TNRC6A: variants seen among roughly 807,000 people sequenced by gnomAD.
TNRC6A encodes the protein trinucleotide repeat-containing gene 6A protein.
In TNRC6A, 44 loss-of-function variants were observed where a neutral mutation model predicts 221.2. The ratio of observed to expected loss-of-function variants is 0.20; its 90% CI spans 0.16 to 0.26. The LOEUF (loss-of-function observed/expected upper bound fraction) is 0.26, where lower values mean the gene tolerates loss of function less well. Among genes scored for constraint, TNRC6A ranks in the 10% least tolerant of loss-of-function variants. TNRC6A has a pLI of 1.00. For synonymous variants in TNRC6A, 847 were observed against 838.5 expected (o/e 1.01, Z -0.18); for missense variants, 2,199 against 2,404.4 (o/e 0.91, Z 1.79).
At chr16:24,652,830 G>A (rs964283043) in intron 2 of TNRC6A, among the ~76,000 whole-genome samples, 1 of 152,042 alleles carries the variant, frequency 6.6e-6, no homozygotes, top group Non-Finnish European at 1.5e-5. Flanking sequence ...TTTACCCCAG[G>A]GAAAACAGGA....
chr16:24,748,720 C>T lies in TNRC6A; in HGVS notation c.54-2006C>T, dbSNP rs548384256. ...AATTTTGTTTAATCTCATTGCAGCG[C>T]ACCTATAGCAACAACCCCTTCCAGT... On this transcript the variant is annotated intron_variant, in intron 2 of 24. Coordinates refer to ENST00000395799, the MANE Select transcript of TNRC6A (RefSeq NM_014494.4). 7.2e-5 allele frequency among the ~76,000 whole-genome samples: 11 copies of T among 152,182 alleles called. No homozygotes were observed. In the South Asian group the frequency reaches 2.3e-3, roughly 32 times the overall value.
chr16:24,818,208 A>G (rs2058692757), intron 20 of TNRC6A, among the ~76,000 whole-genome samples: 1 of 152,206 alleles, frequency 6.6e-6, no homozygotes, highest in South Asian at 2.1e-4. Flanking sequence ...CTTAGAGAGC[A>G]GGATAGCCAG....
At chr16:24,764,468 A>G (rs2057429673) in intron 4 of TNRC6A, among the ~76,000 whole-genome samples, 2 of 151,860 alleles carry the variant, frequency 1.3e-5, no homozygotes, top group Non-Finnish European at 2.9e-5. Flanking sequence ...CTGGGATTAC[A>G]GGCGCGTACC....
At chr16:24,745,796 C>A (rs1314841516) in intron 2 of TNRC6A, among the ~76,000 whole-genome samples, 2 of 7,942 alleles carry the variant, frequency 2.5e-4, no homozygotes, top group African/African-American at 5.5e-4. Context: ...TATGTACCAT[C>A]CCCCCCCCCC....
At chr16:24,797,851 C>T (rs1053231331) in intron 10 of TNRC6A, 64 bp from the exon 11 acceptor site, 4 of 1,433,786 alleles carry the variant, frequency 2.8e-6, no homozygotes, top group African/African-American at 2.9e-5. Flanking sequence ...TAAAATTCTT[C>T]ATTTTTTATT....
At chr16:24,731,818 T>C (rs2151176425) in intron 2 of TNRC6A, among the ~76,000 whole-genome samples, 1 of 152,370 alleles carries the variant, frequency 6.6e-6, no homozygotes, top group Middle Eastern at 3.4e-3. Flanking sequence ...ATTCCAGCTC[T>C]GCTACTTGCA....
chr16:24,794,742 C>T (rs369783943), intron 8 of TNRC6A, 23 bp downstream of exon 8: 22 of 1,573,172 alleles, frequency 1.4e-5, no homozygotes, highest in Non-Finnish European at 1.8e-5. Context: ...AGGGCAAAGC[C>T]CTTGAAACTT....
intron 2 of TNRC6A, among the ~76,000 whole-genome samples, chr16:24,750,232 A>G (rs1161440732): frequency 3.3e-5 from 5 of 152,234 alleles, no homozygotes; most frequent in Non-Finnish European, 5.9e-5. Flanking sequence ...GCTGAAATAC[A>G]AATCACCTAT....
At chr16:24,711,880 C>T (rs2056212749) in intron 2 of TNRC6A, among the ~76,000 whole-genome samples, 1 of 152,076 alleles carries the variant, frequency 6.6e-6, no homozygotes, top group Non-Finnish European at 1.5e-5. Context: ...GGGCTAGTCT[C>T]AAACTCCTGG....
In TNRC6A at chr16:24,794,669, C is replaced by T. The variant is rs764878439; in HGVS notation, c.3478C>T (p.Leu1160Phe). ...GTGGAATAGTAATTCATCTCAAGAG[C>T]TTAACTCATCTTTAAATTGGCCACC... ...GMWNSNSSQE[L>F]NSSLNWPPYT... is the part of the protein sequence containing the mutation. The change falls in exon 8 of 25, where the codon CTT becomes TTT. Residue 1160 changes from leucine (L) to phenylalanine (F), a missense_variant. By Grantham distance (22) the Leu-to-Phe change is conservative (BLOSUM62 0). Coordinates refer to ENST00000395799, the MANE Select transcript of TNRC6A (RefSeq NM_014494.4). 1.9e-6 allele frequency: 3 copies of T among 1,613,624 alleles called. No individual in the cohort carries two copies. The South Asian group carries it at 3.3e-5, about 18-fold the overall frequency.
intron 1 of TNRC6A, among the ~76,000 whole-genome samples, chr16:24,621,547 G>A (rs1596544949): frequency 1.3e-5 from 2 of 151,724 alleles, no homozygotes; most frequent in East Asian, 1.9e-4. Context: ...TAGTAAAGGC[G>A]GGGTTTCATC....
At chr16:24,811,810 A>G (rs976971846) in intron 18 of TNRC6A, among the ~76,000 whole-genome samples, 1 of 151,798 alleles carries the variant, frequency 6.6e-6, no homozygotes, top group Non-Finnish European at 1.5e-5. Flanking sequence ...TAGTAAAATG[A>G]TATTTTTGTG....
Position 24,790,911 on chromosome 16 carries a change from G to T in TNRC6A, c.2269G>T (p.Ala757Ser), listed in dbSNP as rs567281382. 16 of 1,614,062 alleles carry T rather than the reference G, an allele frequency of 9.9e-6. No individual in the cohort carries two copies. In the South Asian group the frequency reaches 1.8e-4, roughly 18 times the overall value. ...DNGTEAWGSS[A>S]TQTFNSGACI... is the part of the protein sequence containing the mutation. Reference sequence around the variant, plus strand: ...TGGGACAGAGGCCTGGGGAAGCTCTGCAACACAGACTTTTAACTCAGGGGC... The same window carrying T: ...TGGGACAGAGGCCTGGGGAAGCTCTTCAACACAGACTTTTAACTCAGGGGC... The change falls in exon 6 of 25, where the codon GCA (alanine) becomes TCA (serine). Residue 757 changes from alanine to serine, a missense_variant. Ala to Ser is a moderately conservative substitution (Grantham distance 99, BLOSUM62 1). Transcript: ENST00000395799.
chr16:24,621,079 G>A (rs1195388066), intron 1 of TNRC6A, among the ~76,000 whole-genome samples: 174 of 93,908 alleles, frequency 1.9e-3, no homozygotes, highest in African/African-American at 7.0e-3. Context: ...GCAAGACGCC[G>A]TCTCAAAAAA....
chr16:24,732,262 C>CA (rs1167472432), intron 2 of TNRC6A, among the ~76,000 whole-genome samples: 19 of 152,186 alleles, frequency 1.2e-4, no homozygotes, highest in Admixed American at 1.0e-3. Flanking sequence ...TCCTTTTTCA[C>CA]AAAAAAGAAT....
chr16:24,785,520 A>G (rs1197367455), intron 5 of TNRC6A, among the ~76,000 whole-genome samples: 4 of 152,174 alleles, frequency 2.6e-5, no homozygotes, highest in Non-Finnish European at 4.4e-5. Flanking sequence ...TATTTTTGGC[A>G]TATAGAAAGG....
chr16:24,693,446 G>C (rs2142147087), intron 2 of TNRC6A, among the ~76,000 whole-genome samples: 1 of 152,200 alleles, frequency 6.6e-6, no homozygotes, highest in Non-Finnish European at 1.5e-5. Flanking sequence ...AATTAGCCCA[G>C]CATGGTGGTT....
chr16:24,818,450 G>C, intron 20 of TNRC6A, 143 bp from the exon 21 acceptor site: 1 of 663,890 alleles, frequency 1.5e-6, no homozygotes, highest in East Asian at 2.7e-5. Context: ...GAAGGAAGAT[G>C]TCTCGGGCAC....
chr16:24,672,417 C>T (rs1404489505), intron 2 of TNRC6A, among the ~76,000 whole-genome samples: 1 of 151,910 alleles, frequency 6.6e-6, no homozygotes, highest in African/African-American at 2.4e-5. Flanking sequence ...CGTGAGCCAC[C>T]GCGCCTGGCC....
Sources: allele counts gnomAD v4.1 joint callset (sites outside exome capture counted in the v4.1 genomes callset), GRCh38; gene constraint gnomAD v4.1.1; transcripts MANE v1.5; gene names NCBI Gene and HGNC (gene_info 2026-07-23, HGNC 2026-07-21).